The following TUT4 variants were observed in gnomAD, a reference collection of about 807,000 sequenced individuals.
TUT4 encodes the protein terminal uridylyl transferase 4, also known as terminal uridylyltransferase 4.
In TUT4, 36 loss-of-function variants were observed where a neutral mutation model predicts 192.2. That is an observed-to-expected ratio of 0.19 (90% CI 0.14 to 0.25). The LOEUF (loss-of-function observed/expected upper bound fraction) is 0.25, where lower values mean the gene tolerates loss of function less well. TUT4 is among the 10% of genes least tolerant of loss of function. TUT4 has a pLI of 1.00. For missense variants in TUT4, 1,493 were observed against 1,957.2 expected (o/e 0.76, Z 4.47); for synonymous variants, 618 against 666.0 (o/e 0.93, Z 1.11).
chr1:52,544,596 T>A (rs888731999), intron 1 of TUT4, among the ~76,000 whole-genome samples: 2 of 152,072 alleles, frequency 1.3e-5, no homozygotes, highest in African/African-American at 2.4e-5. Flanking sequence ...CATAAAACTA[T>A]AAGGCTCTTA....
intron 27 of TUT4, 95 bp downstream of exon 27, chr1:52,435,270 G>T: frequency 2.1e-6 from 2 of 958,894 alleles, no homozygotes; most frequent in South Asian, 1.6e-5. Context: ...TAATCTGGAA[G>T]ATTGTATTAG....
Position 52,538,505 on chromosome 1 carries a change from T to TA in TUT4, c.-93-12133dup, listed in dbSNP as rs1685578184. 3 of 151,322 alleles carry TA rather than the reference T, an allele frequency of 2.0e-5. No individual in the cohort carries two copies. In the South Asian group the frequency reaches 6.3e-4, roughly 32 times the overall value. The allele number at this position is 151,322 out of a possible 1,614,324, so 9.4% of individuals were successfully genotyped here. On this transcript the variant is annotated intron_variant, in intron 1 of 29. Coordinates refer to ENST00000257177, the MANE Select transcript of TUT4 (RefSeq NM_001009881.3). ...CAGGAGACTCCATCTCTACAAAATA[T>TA]AAAAAATTAGCCAGGCACCTGTAGT...
At chr1:52,525,433 G>A in intron 2 of TUT4, 130 bp downstream of exon 2, 1 of 1,173,888 alleles carries the variant, frequency 8.5e-7, no homozygotes, top group Non-Finnish European at 1.2e-6. Context: ...TATTAATGTG[G>A]ATGTTTTCAT....
rs773551898 is a variant in TUT4, at chr1:52,461,734, T to G, written c.3105A>C (p.Ala1035=). 1 of 1,477,298 alleles carries G rather than the reference T, an allele frequency of 6.8e-7. No individual in the cohort carries two copies. Among genetic ancestry groups the G allele is most frequent in the Admixed American group, 2.0e-5 (1 of 50,804 alleles). The allele number at this position is 1,477,298 out of a possible 1,614,324, so 91.5% of individuals were successfully genotyped here. The change falls in exon 17 of 30, where the codon GCA becomes GCC. Residue 1035 remains alanine (A), a synonymous_variant. Coordinates refer to ENST00000257177, the MANE Select transcript of TUT4 (RefSeq NM_001009881.3). The stretch of plus-strand genomic sequence containing the variant: ...TACCTGGATGTCTCTTAAGAATTTT[T>G]GCCAAATTTTCAATTATTTCCTTAC... ...LNCKEIIENL[A]KILKRHPGLR...
intron 1 of TUT4, among the ~76,000 whole-genome samples, chr1:52,535,553 C>T (rs768150704): frequency 2.6e-5 from 4 of 151,962 alleles, no homozygotes; most frequent in Non-Finnish European, 5.9e-5. Context: ...TCTTCTCTAC[C>T]AAGCGTACCA....
chr1:52,474,881 G>A lies in TUT4; in HGVS notation c.2678C>T (p.Thr893Ile), dbSNP rs745683839. 3 of 1,613,288 alleles carry A rather than the reference G, an allele frequency of 1.9e-6. No homozygotes were observed. Among genetic ancestry groups the A allele is most frequent in the Admixed American group, 1.7e-5 (1 of 59,940 alleles). The change falls in exon 13 of 30, where the codon ACC (threonine) becomes ATC (isoleucine). Residue 893 changes from threonine to isoleucine, a missense_variant. Physicochemically the swap from Thr to Ile is moderately conservative, Grantham distance 89. Transcript: ENST00000257177. The part of the protein sequence containing the change: ...SDLNDDDNLP[T>I]QELYYVFDKF... The stretch of plus-strand genomic sequence containing the variant: ...ATCAAACACATAATATAATTCCTGG[G>A]TGGGGAGGTTATCATCATCATTAAG...
At chr1:52,459,190 G>A (rs1193140122) in intron 19 of TUT4, among the ~76,000 whole-genome samples, 2 of 152,032 alleles carry the variant, frequency 1.3e-5, no homozygotes, top group East Asian at 3.9e-4. Flanking sequence ...GGAGGCTGAG[G>A]CAGGAGAATG....
chr1:52,459,360 G>A (rs1028180446), intron 19 of TUT4, among the ~76,000 whole-genome samples: 1 of 151,298 alleles, frequency 6.6e-6, no homozygotes, highest in African/African-American at 2.4e-5. Flanking sequence ...AGGCTGAGGA[G>A]GGTGGATTGC....
At chr1:52,524,677 G>A (rs917962353) in intron 2 of TUT4, among the ~76,000 whole-genome samples, 15 of 152,046 alleles carry the variant, frequency 9.9e-5, no homozygotes, top group African/African-American at 3.1e-4. Flanking sequence ...ATGGTGGCAC[G>A]TGCCTATAGT....
chr1:52,496,118 A>G (rs1672381099), intron 5 of TUT4, among the ~76,000 whole-genome samples: 1 of 152,162 alleles, frequency 6.6e-6, no homozygotes, highest in Non-Finnish European at 1.5e-5. Context: ...ATCTCACCAG[A>G]GGCCAATTTG....
chr1:52,492,291 G>T (rs1008751011), intron 7 of TUT4, among the ~76,000 whole-genome samples: 2 of 151,968 alleles, frequency 1.3e-5, no homozygotes, highest in East Asian at 3.9e-4. Context: ...TGTGTGGACA[G>T]AAAGAAAAAA....
At chr1:52,455,622 A>AAAG (rs1660680441) in intron 20 of TUT4, among the ~76,000 whole-genome samples, 1 of 140,792 alleles carries the variant, frequency 7.1e-6, no homozygotes, top group African/African-American at 2.6e-5. Context: ...AAAAAAAAAA[A>AAAG]AAAAAAAAGA....
intron 2 of TUT4, among the ~76,000 whole-genome samples, chr1:52,521,955 A>T (rs1680400095): frequency 6.6e-6 from 1 of 151,902 alleles, no homozygotes; most frequent in Non-Finnish European, 1.5e-5. Flanking sequence ...AAAGAGCAAG[A>T]CTCTGTCTCC....
At chr1:52,552,198 G>T (rs891484945) in intron 1 of TUT4, among the ~76,000 whole-genome samples, 1 of 152,230 alleles carries the variant, frequency 6.6e-6, no homozygotes, top group Non-Finnish European at 1.5e-5. Context: ...TCCCGCTGAT[G>T]TGCTTCTTTC....
intron 2 of TUT4, 43 bp from the exon 3 acceptor site, chr1:52,516,097 A>T: frequency 1.4e-6 from 2 of 1,468,100 alleles, no homozygotes; most frequent in Non-Finnish European, 1.9e-6. Context: ...AGAACTGGTA[A>T]ATTTTTAAAT....
intron 28 of TUT4, among the ~76,000 whole-genome samples, chr1:52,428,359 G>A (rs1176933467): frequency 1.3e-5 from 2 of 152,004 alleles, no homozygotes; most frequent in Non-Finnish European, 2.9e-5. Flanking sequence ...AGGCGCGGTG[G>A]CTCACACCTG....
intron 1 of TUT4, among the ~76,000 whole-genome samples, chr1:52,551,300 T>C (rs375671839): frequency 1.3e-5 from 2 of 152,340 alleles, no homozygotes; most frequent in East Asian, 3.8e-4. Flanking sequence ...GTCATTAACT[T>C]TCACTTCCAT....
rs569187874 is a variant in TUT4, at chr1:52,504,284, A to G, written c.999+5312T>C. ...TATGAAAGGCTAACTGGTCTCCCCA[A>G]ACAGACCCTTCTCAGGCTTCTTTCA... On this transcript the variant is annotated intron_variant, in intron 4 of 29. Transcript: ENST00000257177. 5.3e-5 allele frequency among the ~76,000 whole-genome samples: 8 copies of G among 152,292 alleles called. No individual in the cohort carries two copies. In the East Asian group the frequency reaches 5.8e-4, roughly 11 times the overall value.
intron 2 of TUT4, among the ~76,000 whole-genome samples, chr1:52,523,811 C>T (rs953823430): frequency 6.6e-6 from 1 of 152,102 alleles, no homozygotes; most frequent in African/African-American, 2.4e-5. Context: ...TATTAAAATT[C>T]TTTTAAGTCT....
Sources: gnomAD v4.1 joint callset for allele counts (sites outside exome capture counted in the v4.1 genomes callset) on GRCh38, gnomAD v4.1.1 for gene constraint, MANE v1.5 for transcripts, NCBI Gene and HGNC (gene_info 2026-07-23, HGNC 2026-07-21) for gene names.